IQSEC3: variants seen among roughly 807,000 people sequenced by gnomAD.
The protein encoded by IQSEC3 is IQ motif and SEC7 domain-containing protein 3.
IQSEC3 carries 50 observed loss-of-function variants against 105.4 expected under a neutral mutation model. That is an observed-to-expected ratio of 0.47 (90% confidence interval 0.38 to 0.60). The LOEUF (loss-of-function observed/expected upper bound fraction) is 0.60. IQSEC3 is among the 20% of genes least tolerant of loss of function. IQSEC3 has a pLI of 0.00. For synonymous variants in IQSEC3, 708 were observed against 746.0 expected (o/e 0.95, Z 0.83); for missense variants, 1,415 against 1,630.0 (o/e 0.87, Z 2.27).
At chr12:147,368 T>C (rs922472951) in intron 5 of IQSEC3, among the ~76,000 whole-genome samples, 1 of 152,176 alleles carries the variant, frequency 6.6e-6, no homozygotes, top group Non-Finnish European at 1.5e-5. Context: ...CCTCGTTCCA[T>C]CTTCACAGCG....
intron 1 of IQSEC3, among the ~76,000 whole-genome samples, chr12:84,456 G>A (rs1555071523): frequency 6.6e-6 from 1 of 152,250 alleles, no homozygotes; most frequent in African/African-American, 2.4e-5. Context: ...AGGGTTGTAT[G>A]TGAGAATATG....
chr12:172,964 G>A (rs782550863), intron 13 of IQSEC3, among the ~76,000 whole-genome samples: 4 of 152,214 alleles, frequency 2.6e-5, no homozygotes, highest in Non-Finnish European at 5.9e-5. Flanking sequence ...GGACGGCTCA[G>A]TGGGTCTGGA....
chr12:149,844 G>C lies in IQSEC3; in HGVS notation c.2154-7181G>C, dbSNP rs193152205. Among the ~76,000 whole-genome samples the C allele has an allele frequency of 5.8e-3, 877 of 152,272 alleles. 8 individuals are homozygous for C. Among genetic ancestry groups the C allele is most frequent in the Middle Eastern group, 0.051 (15 of 292 alleles). On this transcript the variant is annotated intron_variant, in intron 5 of 13. Transcript: ENST00000538872. ...TGGGGGCGTGAGAGCCAGGCTGCAGGGGGGGACCATGCTGGGGAAGCGGCG... is the reference window on the plus strand; with the variant it reads ...TGGGGGCGTGAGAGCCAGGCTGCAGCGGGGGACCATGCTGGGGAAGCGGCG...
At chr12:102,306 C>T (rs1444378971) in intron 2 of IQSEC3, among the ~76,000 whole-genome samples, 5 of 152,224 alleles carry the variant, frequency 3.3e-5, no homozygotes, top group Non-Finnish European at 7.3e-5. Context: ...AGCAGTTGGC[C>T]TCCATAGGAG....
intron 3 of IQSEC3, among the ~76,000 whole-genome samples, chr12:130,212 G>C (rs1008039491): frequency 1.3e-5 from 2 of 152,182 alleles, no homozygotes; most frequent in Non-Finnish European, 2.9e-5. Flanking sequence ...ACAGCCCAGT[G>C]GTGGGCAGAC....
intron 1 of IQSEC3, among the ~76,000 whole-genome samples, chr12:78,089 C>T (rs1863613303): frequency 6.6e-6 from 1 of 151,304 alleles, no homozygotes; most frequent in South Asian, 2.1e-4. Context: ...CTGAGTCACC[C>T]GCGAAGGGAA....
intron 1 of IQSEC3, among the ~76,000 whole-genome samples, chr12:84,775 A>G (rs999816843): frequency 1.3e-5 from 2 of 152,172 alleles, no homozygotes; most frequent in Admixed American, 6.5e-5. Flanking sequence ...TCTATGCTAG[A>G]AGGTCAGTTG....
At chr12:164,398 C>G (rs570397908) in intron 9 of IQSEC3, among the ~76,000 whole-genome samples, 1 of 151,754 alleles carries the variant, frequency 6.6e-6, no homozygotes, top group East Asian at 1.9e-4. Context: ...CATCAGGCCA[C>G]GTGTCCCCTT....
Position 125,768 on chromosome 12 carries a change from G to A in IQSEC3, c.759G>A (p.Pro253=), listed in dbSNP as rs1555083132. The A allele has an allele frequency of 1.3e-5, 20 of 1,510,920 alleles. No individual in the cohort carries two copies. The highest frequency in any genetic ancestry group is 9.9e-5 in the East Asian group (4 of 40,408). 93.6% of individuals were successfully genotyped at this position (1,510,920 alleles called of 1,614,324 possible). The change falls in exon 3 of 14, where the codon CCG becomes CCA. Residue 253 remains proline (P), a synonymous_variant. Coordinates refer to ENST00000538872, the MANE Select transcript of IQSEC3 (RefSeq NM_001170738.2). ...AGCTGCAGGAGGAGGAGGAGCGGCCGGGGGCAGGGGCTGCCTCCCCAAGGG... is the reference window on the plus strand; with the variant it reads ...AGCTGCAGGAGGAGGAGGAGCGGCCAGGGGCAGGGGCTGCCTCCCCAAGGG... ...AQELQEEEER[P]GAGAASPRAG...
At chr12:128,695 C>G (rs1409204497) in intron 3 of IQSEC3, among the ~76,000 whole-genome samples, 2 of 152,168 alleles carry the variant, frequency 1.3e-5, no homozygotes, top group African/African-American at 4.8e-5. Context: ...TCTTGCCTTC[C>G]CCAGTGCCCC....
chr12:104,576 G>A (rs1555077366), intron 2 of IQSEC3, among the ~76,000 whole-genome samples: 3 of 151,926 alleles, frequency 2.0e-5, no homozygotes, highest in Non-Finnish European at 2.9e-5. Flanking sequence ...AAAAGATTTT[G>A]TAGTCTGCAT....
At chr12:121,493 C>T (rs1843737698) in intron 2 of IQSEC3, among the ~76,000 whole-genome samples, 1 of 152,198 alleles carries the variant, frequency 6.6e-6, no homozygotes, top group African/African-American at 2.4e-5. Context: ...GACAAATGCC[C>T]ACCCAGGAAT....
At position 152,067 on chromosome 12, in the gene IQSEC3, G is replaced by A. The variant is rs184579934; in HGVS notation, c.2154-4958G>A. On this transcript the variant is annotated intron_variant, in intron 5 of 13. Coordinates refer to ENST00000538872, the MANE Select transcript of IQSEC3 (RefSeq NM_001170738.2). The surrounding 1 kb of genome is among the most constrained non-coding windows in gnomAD (Gnocchi z 4.8). ...TGTCTCTCCCACCAAGACAGAGACTGTGTTGCTGGCCACTTACACCAGGTC... is the reference window on the plus strand; with the variant it reads ...TGTCTCTCCCACCAAGACAGAGACTATGTTGCTGGCCACTTACACCAGGTC... 1.6e-3 allele frequency among the ~76,000 whole-genome samples: 246 copies of A among 152,206 alleles called. No homozygotes were observed. Among genetic ancestry groups the A allele is most frequent in the African/African-American group, 5.8e-3 (241 of 41,534 alleles).
intron 2 of IQSEC3, among the ~76,000 whole-genome samples, chr12:110,165 C>T (rs974726020): frequency 6.6e-6 from 1 of 152,032 alleles, no homozygotes; most frequent in Non-Finnish European, 1.5e-5. Context: ...TTTACTTTTT[C>T]TCTTTCTCCC....
intron 13 of IQSEC3, among the ~76,000 whole-genome samples, chr12:172,149 AC>A: frequency 6.6e-6 from 1 of 152,140 alleles, no homozygotes; most frequent in East Asian, 1.9e-4. Context: ...AAGCTGCCCT[AC>A]CCATCAGTCT....
chr12:80,403 C>T (rs551744888), intron 1 of IQSEC3, among the ~76,000 whole-genome samples: 1 of 152,142 alleles, frequency 6.6e-6, no homozygotes, highest in Non-Finnish European at 1.5e-5. Context: ...AGGAAGCCTT[C>T]CTGAACCGAT....
At chr12:127,832 G>C (rs10431365) in intron 3 of IQSEC3, among the ~76,000 whole-genome samples, 37,947 of 151,970 alleles carry the variant, frequency 0.25, 4,883 homozygotes, top group Admixed American at 0.28. Context: ...TAGGTTGCCT[G>C]TTCACTCTGA....
intron 9 of IQSEC3, 117 bp downstream of exon 9, chr12:163,736 T>C: frequency 1.3e-6 from 1 of 746,652 alleles, no homozygotes; most frequent in Non-Finnish European, 2.3e-6. Flanking sequence ...TCAGACAGAA[T>C]GCCTGTTCCG....
intron 1 of IQSEC3, among the ~76,000 whole-genome samples, chr12:71,053 T>C (rs4018362): frequency 6.6e-6 from 1 of 152,298 alleles, no homozygotes; most frequent in Non-Finnish European, 1.5e-5. Flanking sequence ...AATCTCTTTC[T>C]TCTCTACCCT....
Sources: allele counts gnomAD v4.1 joint callset (sites outside exome capture counted in the v4.1 genomes callset), GRCh38; gene constraint gnomAD v4.1.1; non-coding constraint Gnocchi (gnomAD v3.1); transcripts MANE v1.5; gene names NCBI Gene and HGNC (gene_info 2026-07-23, HGNC 2026-07-21).